The following GRID2 variants were observed in gnomAD, a reference collection of about 807,000 sequenced individuals.
GRID2 encodes glutamate receptor ionotropic, delta-2.
A neutral mutation model predicts 114.8 loss-of-function variants in GRID2; 33 were observed. That is an observed-to-expected ratio of 0.29 (90% CI 0.22 to 0.38). GRID2 has a LOEUF of 0.38. Among genes scored for constraint, GRID2 ranks in the 10% least tolerant of loss-of-function variants. GRID2 has a pLI of 1.00. For synonymous variants in GRID2, 505 were observed against 449.9 expected (o/e 1.12, Z -1.55); for missense variants, 1,184 against 1,257.7 (o/e 0.94, Z 0.89).
At position 92,960,229 on chromosome 4, in the gene GRID2, G is replaced by T. The variant is rs182199231; in HGVS notation, c.245-124766G>T. On this transcript the variant is annotated intron_variant, in intron 2 of 15. Coordinates refer to ENST00000282020, the MANE Select transcript of GRID2 (RefSeq NM_001510.4). ...TTTTCCATGTTAGCTTGAGAGGCAT[G>T]CTTTTCTGATGTTGAATGAAGTACC... 2.0e-5 allele frequency among the ~76,000 whole-genome samples: 3 copies of T among 152,070 alleles called. No homozygotes were observed. The East Asian group carries it at 5.8e-4, about 29-fold the overall frequency.
intron 14 of GRID2, among the ~76,000 whole-genome samples, chr4:93,724,646 G>A (rs970522498): frequency 1.1e-4 from 17 of 152,086 alleles, no homozygotes; most frequent in African/African-American, 4.1e-4. Flanking sequence ...ATATGAAGGT[G>A]ATTAAAGGGA....
chr4:93,720,216 C>G (rs564474751), intron 14 of GRID2, among the ~76,000 whole-genome samples: 1 of 152,248 alleles, frequency 6.6e-6, no homozygotes, highest in East Asian at 1.9e-4. Context: ...CCATTCATTC[C>G]TGATAGTTGT....
At chr4:92,791,100 T>G (rs1739564952) in intron 2 of GRID2, among the ~76,000 whole-genome samples, 1 of 151,808 alleles carries the variant, frequency 6.6e-6, no homozygotes, top group Non-Finnish European at 1.5e-5. Context: ...ATATTTACTA[T>G]GATTATCAGA....
intron 14 of GRID2, among the ~76,000 whole-genome samples, chr4:93,679,686 A>G (rs575342134): frequency 6.6e-6 from 1 of 151,304 alleles, no homozygotes; most frequent in South Asian, 2.1e-4. Flanking sequence ...TACTGGGTAC[A>G]TAACAAAATG....
intron 2 of GRID2, among the ~76,000 whole-genome samples, chr4:93,034,577 A>G (rs1032611887): frequency 1.3e-5 from 2 of 152,130 alleles, no homozygotes; most frequent in African/African-American, 4.8e-5. Flanking sequence ...TTCTGTCCCA[A>G]CTATGCTTTC....
At chr4:92,442,848 C>G (rs1733188384) in intron 1 of GRID2, among the ~76,000 whole-genome samples, 1 of 152,022 alleles carries the variant, frequency 6.6e-6, no homozygotes, top group African/African-American at 2.4e-5. Flanking sequence ...GCCTTTAGCT[C>G]CAGCCACCTT....
intron 4 of GRID2, among the ~76,000 whole-genome samples, chr4:93,124,542 T>C (rs775938959): frequency 6.6e-6 from 1 of 152,212 alleles, no homozygotes; most frequent in Non-Finnish European, 1.5e-5. Context: ...CAAATGGATC[T>C]TAGTTAGCAC....
At chr4:92,541,124 C>A (rs1725921675) in intron 1 of GRID2, among the ~76,000 whole-genome samples, 1 of 151,924 alleles carries the variant, frequency 6.6e-6, no homozygotes, top group Admixed American at 6.6e-5. Context: ...AGGAGAACAT[C>A]ACACACTGGG....
chr4:93,037,043 T>G (rs533164567), intron 2 of GRID2, among the ~76,000 whole-genome samples: 20 of 152,286 alleles, frequency 1.3e-4, no homozygotes, highest in Admixed American at 1.1e-3. Flanking sequence ...CTGTAGTATT[T>G]CTTAATTTTT....
intron 14 of GRID2, among the ~76,000 whole-genome samples, chr4:93,743,797 T>G (rs1731609983): frequency 6.6e-6 from 1 of 152,172 alleles, no homozygotes; most frequent in South Asian, 2.1e-4. Flanking sequence ...AGCATGAGAT[T>G]TGGAAGGGAC....
chr4:92,886,762 A>T (rs1363848336), intron 2 of GRID2, among the ~76,000 whole-genome samples: 2 of 152,042 alleles, frequency 1.3e-5, no homozygotes, highest in African/African-American at 2.4e-5. Flanking sequence ...AGTAGCTGGG[A>T]CTACAGGTGC....
intron 1 of GRID2, among the ~76,000 whole-genome samples, chr4:92,429,154 G>T (rs989940029): frequency 8.5e-5 from 13 of 152,164 alleles, no homozygotes; most frequent in Admixed American, 7.9e-4. Context: ...GAATGAAGGT[G>T]TATACATTGA....
At chr4:92,765,315 G>T (rs1002318758) in intron 2 of GRID2, among the ~76,000 whole-genome samples, 2 of 152,086 alleles carry the variant, frequency 1.3e-5, no homozygotes, top group East Asian at 1.9e-4. Flanking sequence ...AAACATAAAA[G>T]CAAATTACTT....
intron 2 of GRID2, among the ~76,000 whole-genome samples, chr4:92,861,827 C>A (rs1256862353): frequency 6.6e-6 from 1 of 151,988 alleles, no homozygotes; most frequent in Non-Finnish European, 1.5e-5. Flanking sequence ...TACCTTCCCA[C>A]CTCATTGAAA....
intron 12 of GRID2, among the ~76,000 whole-genome samples, chr4:93,492,889 C>A (rs186474766): frequency 2.6e-5 from 4 of 151,654 alleles, no homozygotes; most frequent in Non-Finnish European, 4.4e-5. Context: ...ACCCTTTGAC[C>A]GACATCTCCA....
chr4:93,350,231 G>A (rs545073601), intron 8 of GRID2, among the ~76,000 whole-genome samples: 12 of 152,152 alleles, frequency 7.9e-5, no homozygotes, highest in East Asian at 1.9e-4. Flanking sequence ...ACTTCTTAGC[G>A]TTATCCATGC....
At chr4:93,704,281 G>T (rs987755738) in intron 14 of GRID2, among the ~76,000 whole-genome samples, 1 of 152,148 alleles carries the variant, frequency 6.6e-6, no homozygotes, top group Non-Finnish European at 1.5e-5. Flanking sequence ...TCTTTTGGCT[G>T]CATAAATGTC....
At chr4:93,349,804 G>T (rs1235365484) in intron 8 of GRID2, among the ~76,000 whole-genome samples, 1 of 151,694 alleles carries the variant, frequency 6.6e-6, no homozygotes, top group Non-Finnish European at 1.5e-5. Flanking sequence ...AAATCCTAAT[G>T]GAACAATAAC....
At chr4:93,285,025 A>G (rs778515248) in intron 8 of GRID2, among the ~76,000 whole-genome samples, 6 of 152,038 alleles carry the variant, frequency 3.9e-5, no homozygotes, top group Admixed American at 2.0e-4. Flanking sequence ...TTTTTAAACC[A>G]AAGGAAGCTT....
Sources: allele counts gnomAD v4.1 joint callset (sites outside exome capture counted in the v4.1 genomes callset), GRCh38; gene constraint gnomAD v4.1.1; transcripts MANE v1.5; gene names NCBI Gene and HGNC (gene_info 2026-07-23, HGNC 2026-07-21).